The following EPHA7 variants were observed in gnomAD, a reference collection of about 807,000 sequenced individuals.
EPHA7 encodes the protein ephrin type-A receptor 7.
EPHA7 carries 25 observed loss-of-function variants against 112.6 expected under a neutral mutation model. The ratio of observed to expected loss-of-function variants is 0.22; its 90% CI spans 0.16 to 0.31. The LOEUF (loss-of-function observed/expected upper bound fraction) is 0.31. EPHA7 is among the 10% of genes least tolerant of loss of function. EPHA7 has a pLI of 1.00. For missense variants in EPHA7, 962 were observed against 1,212.6 expected (o/e 0.79, Z 3.07); for synonymous variants, 437 against 406.5 (o/e 1.07, Z -0.90).
intron 5 of EPHA7, among the ~76,000 whole-genome samples, chr6:93,298,724 TCA>T (rs1772806592): frequency 6.6e-6 from 1 of 152,154 alleles, no homozygotes; most frequent in South Asian, 2.1e-4. Flanking sequence ...AAGACAATGC[TCA>T]GTTTTGATAA....
chr6:93,348,233 T>C (rs1025947343), intron 5 of EPHA7, among the ~76,000 whole-genome samples: 1 of 151,834 alleles, frequency 6.6e-6, no homozygotes, highest in African/African-American at 2.4e-5. Context: ...GGTATTTCCT[T>C]ATGTATGTTT....
chr6:93,283,601 A>C (rs772598873), intron 5 of EPHA7, among the ~76,000 whole-genome samples: 1 of 152,118 alleles, frequency 6.6e-6, no homozygotes, highest in Non-Finnish European at 1.5e-5. Context: ...CTGCCTTAAG[A>C]GCTGTAACAC....
chr6:93,284,837 G>A (rs1230307708), intron 5 of EPHA7, among the ~76,000 whole-genome samples: 1 of 151,014 alleles, frequency 6.6e-6, no homozygotes, highest in African/African-American at 2.4e-5. Flanking sequence ...CACACACCAG[G>A]GCCTGTTGGG....
chr6:93,299,447 AG>A (rs571470653), intron 5 of EPHA7, among the ~76,000 whole-genome samples: 153 of 152,264 alleles, frequency 1.0e-3, no homozygotes, highest in African/African-American at 3.4e-3. Context: ...ATCTCATACC[AG>A]TCAGTTTAGC....
rs1208739693 is a variant in EPHA7, at chr6:93,296,988, T to C, written c.1325-24566A>G. 2.0e-5 allele frequency among the ~76,000 whole-genome samples: 3 copies of C among 152,002 alleles called. No homozygotes were observed. The East Asian group carries it at 5.8e-4, about 29-fold the overall frequency. ...ACAAACAGGTCACTATATGAAATGATGGCTATGTTAATTTGCTTCACTATA... is the reference window on the plus strand; with the variant it reads ...ACAAACAGGTCACTATATGAAATGACGGCTATGTTAATTTGCTTCACTATA... On this transcript the variant is annotated intron_variant, in intron 5 of 16. Coordinates refer to ENST00000369303, the MANE Select transcript of EPHA7 (RefSeq NM_004440.4).
chr6:93,295,686 T>C lies in EPHA7; in HGVS notation c.1325-23264A>G, dbSNP rs79582143. On this transcript the variant is annotated intron_variant, in intron 5 of 16. Coordinates refer to ENST00000369303, the MANE Select transcript of EPHA7 (RefSeq NM_004440.4). ...TATATTTTCTTTGAAAGTGTTTATTTATTTTCCCTACATAATTGTCTTTAC... is the reference window on the plus strand; with the variant it reads ...TATATTTTCTTTGAAAGTGTTTATTCATTTTCCCTACATAATTGTCTTTAC... Among the ~76,000 whole-genome samples, 689 of 151,952 alleles carry C rather than the reference T, an allele frequency of 4.5e-3. 7 individuals are homozygous for C. The highest frequency in any genetic ancestry group is 0.016 in the African/African-American group (661 of 41,540).
At chr6:93,326,084 T>C (rs1774303815) in intron 5 of EPHA7, among the ~76,000 whole-genome samples, 1 of 151,466 alleles carries the variant, frequency 6.6e-6, no homozygotes, top group Non-Finnish European at 1.5e-5. Context: ...CAGATAATTC[T>C]ATTCATAGTC....
intron 5 of EPHA7, among the ~76,000 whole-genome samples, chr6:93,338,720 G>A (rs1774995453): frequency 6.6e-6 from 1 of 151,698 alleles, no homozygotes; most frequent in Non-Finnish European, 1.5e-5. Context: ...GCTACAGAGA[G>A]TTGATCTTTA....
intron 13 of EPHA7, among the ~76,000 whole-genome samples, chr6:93,255,070 G>A (rs1463327218): frequency 1.3e-5 from 2 of 152,078 alleles, no homozygotes; most frequent in African/African-American, 2.4e-5. Context: ...CAGGCTGGGT[G>A]CTGTGGCTCA....
Position 93,243,539 on chromosome 6 carries a change from C to T in EPHA7, c.2884G>A (p.Asp962Asn). ...AGTGTGATCCCTAAACTCATCACAT[C>T]CCTGAAAAAGACAAATGCACTTTTT... ...LESVARMTIE[D>N]VMSLGITLVG... Residue 962 changes from aspartate (D) to asparagine (N), a missense_variant and splice_region_variant, in exon 17 of 17, where the codon GAT becomes AAT. Physicochemically the swap from Asp to Asn is conservative, Grantham distance 23. Coordinates refer to ENST00000369303, the MANE Select transcript of EPHA7 (RefSeq NM_004440.4). 1 of 1,609,534 alleles carries T rather than the reference C, an allele frequency of 6.2e-7. No homozygotes were observed. Among genetic ancestry groups the T allele is most frequent in the Non-Finnish European group, 8.5e-7 (1 of 1,176,160 alleles).
chr6:93,266,796 C>A (rs1770961666), intron 7 of EPHA7, among the ~76,000 whole-genome samples: 1 of 151,646 alleles, frequency 6.6e-6, no homozygotes, highest in Non-Finnish European at 1.5e-5. Context: ...TGGCCAGAAT[C>A]TGTGTACCTG....
intron 3 of EPHA7, among the ~76,000 whole-genome samples, chr6:93,408,230 A>G (rs1055740597): frequency 5.9e-5 from 9 of 151,970 alleles, no homozygotes; most frequent in African/African-American, 2.2e-4. Flanking sequence ...TTTCATATCA[A>G]TCAAGTTCTG....
At chr6:93,413,921 A>G (rs1371197939) in intron 2 of EPHA7, among the ~76,000 whole-genome samples, 3 of 151,902 alleles carry the variant, frequency 2.0e-5, no homozygotes, top group South Asian at 2.1e-4. Flanking sequence ...GCAATAGGGT[A>G]TCTTCTCCTT....
In EPHA7 at chr6:93,243,432, T is replaced by C. The variant is rs1271613348; in HGVS notation, c.2991A>G (p.Gln997=). Residue 997 remains glutamine, a synonymous_variant, in exon 17 of 17, where the codon CAA becomes CAG. Coordinates refer to ENST00000369303, the MANE Select transcript of EPHA7 (RefSeq NM_004440.4). Reference sequence around the variant, plus strand: ...TAAAAGGGAGAAATGCATATCACACTTGAATGCCAGTTCCATGTAAATGTA... The same window carrying C: ...TAAAAGGGAGAAATGCATATCACACCTGAATGCCAGTTCCATGTAAATGTA... ...QMLHLHGTGI[Q]V is the part of the protein sequence containing the mutation. The C allele has an allele frequency of 2.0e-5, 33 of 1,612,092 alleles. No homozygotes were observed. Among genetic ancestry groups the C allele is most frequent in the Admixed American group, 8.3e-5 (5 of 59,984 alleles).
At chr6:93,401,455 A>T (rs16871305) in intron 3 of EPHA7, among the ~76,000 whole-genome samples, 5,826 of 152,150 alleles carry the variant, frequency 0.038, 202 homozygotes, top group East Asian at 0.17. Flanking sequence ...AAATGCTATC[A>T]TTCGAGATTA....
intron 15 of EPHA7, 83 bp from the exon 16 acceptor site, chr6:93,245,536 T>G: frequency 7.1e-7 from 1 of 1,405,808 alleles, no homozygotes; most frequent in East Asian, 2.3e-5. Context: ...AATTAAGGTA[T>G]AAAGAACAAA....
At chr6:93,247,240 T>C (rs1016625319) in intron 14 of EPHA7, among the ~76,000 whole-genome samples, 2 of 152,166 alleles carry the variant, frequency 1.3e-5, no homozygotes, top group African/African-American at 2.4e-5. Context: ...GTACAATAGA[T>C]GGAAATAGTT....
intron 14 of EPHA7, among the ~76,000 whole-genome samples, chr6:93,253,388 C>T (rs901444290): frequency 3.9e-5 from 6 of 152,022 alleles, no homozygotes; most frequent in African/African-American, 1.2e-4. Flanking sequence ...AGACTGTGGA[C>T]TTCTCAGTTA....
intron 3 of EPHA7, among the ~76,000 whole-genome samples, chr6:93,396,822 A>G (rs1016568060): frequency 4.6e-5 from 7 of 151,796 alleles, no homozygotes; most frequent in Non-Finnish European, 7.4e-5. Flanking sequence ...GACAATCCCC[A>G]GTACAAATGG....
Sources: allele counts gnomAD v4.1 joint callset (sites outside exome capture counted in the v4.1 genomes callset), GRCh38; gene constraint gnomAD v4.1.1; transcripts MANE v1.5; gene names NCBI Gene and HGNC (gene_info 2026-07-23, HGNC 2026-07-21).